Variants in GINM1 observed in about 807,000 individuals in gnomAD.
GINM1 encodes the protein glycoprotein integral membrane protein 1.
In GINM1, 29 loss-of-function variants were observed where a neutral mutation model predicts 37.8. The ratio of observed to expected loss-of-function variants is 0.77; its 90% confidence interval spans 0.57 to 1.05. GINM1 has a LOEUF of 1.05. GINM1 is among the 50% of genes least tolerant of loss of function. The pLI, the probability that GINM1 is intolerant of heterozygous loss-of-function variation, is 0.00. For missense variants in GINM1, 377 were observed against 397.9 expected, an observed-to-expected ratio of 0.95 and a Z score of 0.45; for synonymous variants, 143 against 146.2, an observed-to-expected ratio of 0.98 and a Z score of 0.16.
chr6:149,577,895 C>T (rs898831070), intron 3 of GINM1, among the ~76,000 whole-genome samples: 4 of 152,148 alleles, frequency 2.6e-5, no homozygotes, highest in East Asian at 3.9e-4. Flanking sequence ...TACTACACCC[C>T]GTTTCTACTG....
chr6:149,566,535 G>A lies in GINM1; in HGVS notation c.120+1G>A. On this transcript the variant is annotated splice_donor_variant, in intron 1 of 7. Transcript: ENST00000367419. LOFTEE classifies it high-confidence loss of function. This position sits in a 1 kb window ranked among gnomAD's most constrained non-coding sequence, Gnocchi z 4.4. ...GCCGCCGCTGTCCGGAGCCCCACAGGTAGGGCAGGGCGGGCCTGGCTGGCC... is the reference window on the plus strand; with the variant it reads ...GCCGCCGCTGTCCGGAGCCCCACAGATAGGGCAGGGCGGGCCTGGCTGGCC... 1 of 1,516,900 alleles carries A rather than the reference G, an allele frequency of 6.6e-7. No homozygotes were observed. The allele number at this position is 1,516,900 out of a possible 1,614,324, so 94.0% of individuals were successfully genotyped here.
intron 1 of GINM1, among the ~76,000 whole-genome samples, chr6:149,570,351 A>G (rs1777801017): frequency 6.6e-6 from 1 of 151,820 alleles, no homozygotes; most frequent in Non-Finnish European, 1.5e-5. Flanking sequence ...AAGGAGATCC[A>G]TATGACTTGA....
intron 1 of GINM1, among the ~76,000 whole-genome samples, chr6:149,570,186 ATATATATATAT>A (rs1320408051): frequency 1.2e-4 from 11 of 95,266 alleles, no homozygotes; most frequent in South Asian, 6.6e-4. Flanking sequence ...ATATATATAT[ATATATATATAT>A]AAAGTTCAGT....
intron 3 of GINM1, among the ~76,000 whole-genome samples, chr6:149,572,819 A>C (rs1249814852): frequency 6.6e-6 from 1 of 152,006 alleles, no homozygotes; most frequent in African/African-American, 2.4e-5. Flanking sequence ...GTGCCACCAT[A>C]CCCGGCTAAC....
chr6:149,573,619 G>A (rs1777864270), intron 3 of GINM1, among the ~76,000 whole-genome samples: 1 of 152,210 alleles, frequency 6.6e-6, no homozygotes, highest in South Asian at 2.1e-4. Context: ...GGCGGCTCTA[G>A]CACTTTGGGA....
intron 3 of GINM1, among the ~76,000 whole-genome samples, chr6:149,573,931 A>G (rs1777869575): frequency 6.6e-6 from 1 of 151,990 alleles, no homozygotes; most frequent in South Asian, 2.1e-4. Flanking sequence ...ATGTCAGTAG[A>G]ACATTTTCTT....
intron 1 of GINM1, 98 bp from the exon 2 acceptor site, chr6:149,572,187 A>T: frequency 3.1e-6 from 2 of 649,340 alleles, no homozygotes; most frequent in Non-Finnish European, 5.4e-6. Flanking sequence ...GTTATAAGTG[A>T]TTGTACAATA....
chr6:149,583,394 C>T (rs1302476162), intron 7 of GINM1, among the ~76,000 whole-genome samples: 4 of 152,006 alleles, frequency 2.6e-5, no homozygotes. Flanking sequence ...ACCTGGGAGG[C>T]AGAGGTTGCA....
At chr6:149,584,815 GTA>G (rs1203605733) in intron 7 of GINM1, among the ~76,000 whole-genome samples, 11 of 148,946 alleles carry the variant, frequency 7.4e-5, no homozygotes, top group South Asian at 2.1e-4. Flanking sequence ...ATTTATAAAT[GTA>G]TATATATATA....
intron 3 of GINM1, among the ~76,000 whole-genome samples, chr6:149,575,288 T>C (rs1225735426): frequency 6.6e-6 from 1 of 152,244 alleles, no homozygotes; most frequent in Non-Finnish European, 1.5e-5. Flanking sequence ...AGTACAGGTT[T>C]GTTAGCAGTG....
chr6:149,570,783 G>GT (rs1777806993), intron 1 of GINM1, among the ~76,000 whole-genome samples: 2 of 152,108 alleles, frequency 1.3e-5, no homozygotes, highest in Non-Finnish European at 1.5e-5. Context: ...TGAGAGTATT[G>GT]TTTTTATTCC....
intron 5 of GINM1, among the ~76,000 whole-genome samples, 198 bp downstream of exon 5, chr6:149,580,188 C>T (rs561321297): frequency 6.6e-6 from 1 of 152,238 alleles, no homozygotes; most frequent in East Asian, 1.9e-4. Context: ...CATTTAAGGA[C>T]TTTAGGACTC....
chr6:149,578,807 C>CTTT lies in GINM1; in HGVS notation c.278-7_278-5dup. The CTTT allele has an allele frequency of 7.9e-7, 1 of 1,263,166 alleles. No individual in the cohort carries two copies. Among genetic ancestry groups the CTTT allele is most frequent in the East Asian group, 2.8e-5 (1 of 35,346 alleles). 78.2% of individuals were successfully genotyped at this position (1,263,166 alleles called of 1,614,324 possible). On this transcript the variant is annotated splice_polypyrimidine_tract_variant and intron_variant, in intron 3 of 7. Coordinates refer to ENST00000367419, the MANE Select transcript of GINM1 (RefSeq NM_138785.5). ...TAATCTTTGTTCAAAGGTGTCACTACTTTTTTTTTTATAGTGAAGAATGAA... is the reference window on the plus strand; with the variant it reads ...TAATCTTTGTTCAAAGGTGTCACTACTTTTTTTTTTTTTATAGTGAAGAATGAA...
intron 1 of GINM1, among the ~76,000 whole-genome samples, chr6:149,569,826 G>A (rs527453235): frequency 6.6e-6 from 1 of 152,080 alleles, no homozygotes; most frequent in East Asian, 1.9e-4. Context: ...CATCCTATGA[G>A]TAAAGGAATT....
chr6:149,579,120 A>G (rs1777960080), intron 4 of GINM1, 147 bp downstream of exon 4: 2 of 464,012 alleles, frequency 4.3e-6, no homozygotes, highest in Non-Finnish European at 3.7e-6. Flanking sequence ...GAATTTTTGT[A>G]TATTTATTTT....
chr6:149,581,978 A>G (rs931488108), intron 6 of GINM1: 3 of 468,574 alleles, frequency 6.4e-6, no homozygotes, highest in African/African-American at 2.0e-5. Context: ...GTATAGAAAC[A>G]TGTTTTGTAC....
chr6:149,574,112 G>A (rs1337321533), intron 3 of GINM1, among the ~76,000 whole-genome samples: 5 of 147,572 alleles, frequency 3.4e-5, no homozygotes, highest in Middle Eastern at 3.5e-3. Flanking sequence ...ATGCAGTGGC[G>A]CGATCTCGGC....
Position 149,578,769 on chromosome 6 carries a change from A to G in GINM1, c.278-53A>G, listed in dbSNP as rs559042905. The G allele has an allele frequency of 2.4e-6, 3 of 1,249,640 alleles. No individual in the cohort carries two copies. The African/African-American group carries it at 4.5e-5, about 19-fold the overall frequency. 77.4% of individuals were successfully genotyped at this position (1,249,640 alleles called of 1,614,324 possible). ...GTCATCAAAATAATCACACTCACTC[A>G]CAGATTTGGTGGTAATCTTTGTTCA... On this transcript the variant is annotated intron_variant, in intron 3 of 7. Coordinates refer to ENST00000367419, the MANE Select transcript of GINM1 (RefSeq NM_138785.5).
Position 149,582,486 on chromosome 6 carries a change from T to C in GINM1, c.764T>C (p.Phe255Ser), listed in dbSNP as rs1460005370. Residue 255 changes from phenylalanine (F) to serine (S), a missense_variant, in exon 7 of 8, where the codon TTC becomes TCC. Physicochemically the swap from Phe to Ser is radical, Grantham distance 155. Transcript: ENST00000367419. Reference sequence around the variant, plus strand: ...AAGTTTAGAAAAGATCTGTGTAGGTTCTGGAGCAACGTTTTCCCAGTATTC... The same window carrying C: ...AAGTTTAGAAAAGATCTGTGTAGGTCCTGGAGCAACGTTTTCCCAGTATTC... ...MEKFRKDLCRFWSNVFPVFFQ... is the reference protein window; with the variant it reads ...MEKFRKDLCRSWSNVFPVFFQ... The C allele has an allele frequency of 6.2e-7, 1 of 1,612,248 alleles. No homozygotes were observed. Among genetic ancestry groups the C allele is most frequent in the South Asian group, 1.1e-5 (1 of 90,428 alleles).
Sources: gnomAD v4.1 joint callset for allele counts (sites outside exome capture counted in the v4.1 genomes callset) on GRCh38, gnomAD v4.1.1 for gene constraint, Gnocchi (gnomAD v3.1) non-coding constraint, MANE v1.5 for transcripts, NCBI Gene and HGNC (gene_info 2026-07-23, HGNC 2026-07-21) for gene names.